Variants in NAV3 observed in about 807,000 individuals in gnomAD.
NAV3 encodes neuron navigator 3.
Under a neutral mutation model 244.7 loss-of-function variants are expected in NAV3, and 87 were observed. The ratio of observed to expected loss-of-function variants is 0.36; its 90% CI spans 0.30 to 0.42. The LOEUF is 0.42. Ranked by LOEUF, NAV3 falls within the 20% of genes least tolerant of loss-of-function variation. The probability of loss-of-function intolerance (pLI) is 1.00; values close to 1 mark genes in which losing one functional copy is unlikely to be tolerated. For synonymous variants in NAV3, 1,126 were observed against 1,042.2 expected, an observed-to-expected ratio of 1.08 and a Z score of -1.55; for missense variants, 2,663 against 2,893.3, an observed-to-expected ratio of 0.92 and a Z score of 1.83.
intron 2 of NAV3, among the ~76,000 whole-genome samples, chr12:77,582,331 T>G (rs1410220494): frequency 1.3e-5 from 2 of 152,218 alleles, no homozygotes; most frequent in Non-Finnish European, 2.9e-5. Context: ...ACTTTCTTTG[T>G]GCAAATGTTT....
At chr12:77,969,155 TGTGTGTGTGTGTGTGCATGA>T (rs1892779275) in intron 5 of NAV3, among the ~76,000 whole-genome samples, 1 of 151,728 alleles carries the variant, frequency 6.6e-6, no homozygotes, top group Non-Finnish European at 1.5e-5. Context: ...TGTGTGTGTG[TGTGTGTGTGTGTGTGCATGA>T]GTGTGTGTGT....
At chr12:78,059,277 G>T (rs1235749693) in intron 12 of NAV3, among the ~76,000 whole-genome samples, 162 bp downstream of exon 12, 1 of 151,672 alleles carries the variant, frequency 6.6e-6, no homozygotes, top group East Asian at 1.9e-4. Context: ...TTTTTTGTTT[G>T]TTTGTTTGTT....
intron 12 of NAV3, among the ~76,000 whole-genome samples, chr12:78,064,430 C>CTCT (rs1566082262): frequency 7.5e-5 from 7 of 93,314 alleles, no homozygotes; most frequent in African/African-American, 2.7e-4. Context: ...TGTCTGTCTG[C>CTCT]CTGCCTGCCT....
At chr12:77,827,234 T>A (rs61937366), upstream of NAV3, among the ~76,000 whole-genome samples, 1 of 49,768 alleles carries the variant, frequency 2.0e-5, no homozygotes, top group Non-Finnish European at 3.4e-5. Flanking sequence ...AGACTCTGTC[T>A]CCAAAAAAAA....
chr12:78,105,559 A>G (rs1954758796), intron 12 of NAV3, among the ~76,000 whole-genome samples: 1 of 152,088 alleles, frequency 6.6e-6, no homozygotes, highest in African/African-American at 2.4e-5. Flanking sequence ...GAATTTTCCA[A>G]TAAAATTATT....
rs981844401 is a variant in NAV3 at position 78,009,861 on chromosome 12, A to G, written c.1907+2416A>G. Reference sequence around the variant, plus strand: ...TTTAGCACACAGCCAGATTTTGAGCAAATTACATGAATATCAGTAATTATT... The same window carrying G: ...TTTAGCACACAGCCAGATTTTGAGCGAATTACATGAATATCAGTAATTATT... On this transcript the variant is annotated intron_variant, in intron 8 of 39. Transcript: ENST00000397909. Among the ~76,000 whole-genome samples the G allele has an allele frequency of 3.9e-5, 6 of 152,328 alleles. No homozygotes were observed. The East Asian group carries it at 1.2e-3, about 29-fold the overall frequency.
intron 2 of NAV3, among the ~76,000 whole-genome samples, chr12:77,721,378 A>G (rs1395747560): frequency 6.6e-6 from 1 of 150,940 alleles, no homozygotes; most frequent in African/African-American, 2.4e-5. Context: ...TGAGCACAGC[A>G]AAAAAAAAGC....
chr12:77,794,093 A>C (rs150116574), intron 2 of NAV3, among the ~76,000 whole-genome samples: 15 of 151,988 alleles, frequency 9.9e-5, no homozygotes, highest in African/African-American at 3.6e-4. Context: ...GCTTTTTTTC[A>C]TATGTTTCTT....
intron 2 of NAV3, among the ~76,000 whole-genome samples, chr12:77,721,709 T>C (rs1052004553): frequency 6.6e-6 from 1 of 152,170 alleles, no homozygotes. Flanking sequence ...GAGAGTCATA[T>C]AAGCTTCTAA....
chr12:77,787,818 A>T (rs1217369965), intron 2 of NAV3, among the ~76,000 whole-genome samples: 1 of 152,262 alleles, frequency 6.6e-6, no homozygotes, highest in Non-Finnish European at 1.5e-5. Flanking sequence ...AAAAGTTAAC[A>T]TGGGTATAAA....
chr12:78,115,293 G>C (rs1004208489), intron 12 of NAV3, among the ~76,000 whole-genome samples: 1 of 152,100 alleles, frequency 6.6e-6, no homozygotes, highest in Non-Finnish European at 1.5e-5. Flanking sequence ...ACAGGTATGG[G>C]TATCTTTACA....
intron 12 of NAV3, among the ~76,000 whole-genome samples, chr12:78,072,084 A>G (rs1340122703): frequency 2.6e-5 from 4 of 152,072 alleles, no homozygotes; most frequent in Admixed American, 1.3e-4. Flanking sequence ...GAGAAAGCAG[A>G]AAAGATCCAA....
intron 3 of NAV3, among the ~76,000 whole-genome samples, chr12:77,963,805 T>C (rs1464956813): frequency 6.6e-6 from 1 of 152,026 alleles, no homozygotes; most frequent in African/African-American, 2.4e-5. Context: ...GTATTATCGA[T>C]CATTTGTTGT....
At chr12:78,169,372 G>C (rs1957909243) in intron 24 of NAV3, among the ~76,000 whole-genome samples, 1 of 151,744 alleles carries the variant, frequency 6.6e-6, no homozygotes, top group Non-Finnish European at 1.5e-5. Flanking sequence ...AAAACAACGG[G>C]TGAAAGGTAG....
intron 11 of NAV3, among the ~76,000 whole-genome samples, chr12:78,055,803 T>C (rs1883416728): frequency 6.6e-6 from 1 of 152,208 alleles, no homozygotes; most frequent in Non-Finnish European, 1.5e-5. Flanking sequence ...TAAAAGAGAC[T>C]AGGTTATATG....
intron 12 of NAV3, among the ~76,000 whole-genome samples, chr12:78,068,206 C>T (rs1378612253): frequency 6.6e-6 from 1 of 151,832 alleles, no homozygotes; most frequent in African/African-American, 2.4e-5. Flanking sequence ...GCAAATAATT[C>T]TTACATCAAG....
intron 2 of NAV3, among the ~76,000 whole-genome samples, chr12:77,726,206 G>A (rs574914289): frequency 9.2e-5 from 14 of 151,994 alleles, no homozygotes; most frequent in Non-Finnish European, 1.9e-4. Context: ...TACTATGTGT[G>A]TAATTTGTTT....
intron 2 of NAV3, among the ~76,000 whole-genome samples, chr12:77,676,104 G>C (rs1874192979): frequency 6.6e-6 from 1 of 151,722 alleles, no homozygotes; most frequent in African/African-American, 2.4e-5. Flanking sequence ...TTTATTTTAA[G>C]TTCTAGGATA....
chr12:77,763,515 T>G (rs567358043), intron 2 of NAV3, among the ~76,000 whole-genome samples: 2 of 152,276 alleles, frequency 1.3e-5, no homozygotes, highest in Non-Finnish European at 2.9e-5. Flanking sequence ...AGCTGAGGTG[T>G]GAACTCATGA....
Sources: allele counts gnomAD v4.1 joint callset (sites outside exome capture counted in the v4.1 genomes callset), GRCh38; gene constraint gnomAD v4.1.1; transcripts MANE v1.5; gene names NCBI Gene and HGNC (gene_info 2026-07-23, HGNC 2026-07-21).